Variants in LINGO2 observed in about 807,000 individuals in gnomAD.
LINGO2 encodes the protein leucine rich repeat and Ig domain containing 2, also known as leucine-rich repeat and immunoglobulin-like domain-containing nogo receptor-interacting protein 2.
In LINGO2, 14 loss-of-function variants were observed where a neutral mutation model predicts 30.6. That is an observed-to-expected ratio of 0.46 (90% CI 0.30 to 0.72). The LOEUF is 0.72. Ranked by LOEUF, LINGO2 falls within the 30% of genes least tolerant of loss-of-function variation. The pLI is 0.07. For missense variants in LINGO2, 729 were observed against 751.7 expected (o/e 0.97, Z 0.35); for synonymous variants, 317 against 288.5 (o/e 1.10, Z -1.00).
chr9:28,858,489 C>T, the LINGO2 span, among the ~76,000 whole-genome samples: 1 of 152,046 alleles, frequency 6.6e-6, no homozygotes, highest in African/African-American at 2.4e-5. Flanking sequence ...TTTACATCTT[C>T]AGCCCAATAT....
chr9:29,064,294 C>A, the LINGO2 span, among the ~76,000 whole-genome samples: 2 of 151,940 alleles, frequency 1.3e-5, no homozygotes, highest in African/African-American at 4.8e-5. Context: ...GCACCAAAAT[C>A]TTTGACATAG....
At chr9:28,321,137 A>C (rs1184438200) in intron 3 of LINGO2, among the ~76,000 whole-genome samples, 1 of 152,106 alleles carries the variant, frequency 6.6e-6, no homozygotes, top group Non-Finnish European at 1.5e-5. Context: ...CACTCACTTC[A>C]TTTAAAGAAA....
chr9:28,173,872 A>T (rs1214300388), intron 4 of LINGO2, among the ~76,000 whole-genome samples: 1 of 152,222 alleles, frequency 6.6e-6, no homozygotes, highest in Non-Finnish European at 1.5e-5. Context: ...AATCATTTAA[A>T]GTCAGGAACC....
the LINGO2 span, among the ~76,000 whole-genome samples, chr9:29,130,214 T>C: frequency 1.3e-5 from 2 of 152,158 alleles, no homozygotes; most frequent in Non-Finnish European, 2.9e-5. Flanking sequence ...CTAGTACTAA[T>C]AGACACTTTT....
chr9:28,729,872 C>T, the LINGO2 span, among the ~76,000 whole-genome samples: 3 of 151,648 alleles, frequency 2.0e-5, no homozygotes, highest in South Asian at 2.1e-4. Flanking sequence ...TGAAAATAAA[C>T]TCTCACAAAA....
chr9:27,939,240 A>T, the LINGO2 span: 2 of 152,192 alleles, frequency 1.3e-5, no homozygotes, highest in African/African-American at 2.4e-5. Context: ...AATATATTCA[A>T]CCATTAGAAC....
chr9:29,210,844 G>T, the LINGO2 span, among the ~76,000 whole-genome samples: 1 of 152,086 alleles, frequency 6.6e-6, no homozygotes, highest in African/African-American at 2.4e-5. Context: ...CATTTTACTG[G>T]TTTTGAACAG....
At chr9:28,513,606 T>G (rs1042231373) in intron 1 of LINGO2, among the ~76,000 whole-genome samples, 1 of 152,222 alleles carries the variant, frequency 6.6e-6, no homozygotes, top group African/African-American at 2.4e-5. Flanking sequence ...CTTAAAATAT[T>G]TAGACACTGT....
chr9:28,315,983 C>T (rs1011867292), intron 3 of LINGO2, among the ~76,000 whole-genome samples: 1 of 152,142 alleles, frequency 6.6e-6, no homozygotes, highest in Admixed American at 6.5e-5. Flanking sequence ...TTATCACTTA[C>T]CTATGTGATT....
chr9:27,978,377 A>G (rs956420712), intron 5 of LINGO2, among the ~76,000 whole-genome samples: 3 of 152,074 alleles, frequency 2.0e-5, no homozygotes, highest in African/African-American at 7.2e-5. Flanking sequence ...TGCAAAATTT[A>G]TATGTTAAAT....
At chr9:28,744,641 T>TGTGTGTGTGTGTGTGTGTG in the LINGO2 span, among the ~76,000 whole-genome samples, 37 of 104,046 alleles carry the variant, frequency 3.6e-4, no homozygotes, top group Admixed American at 5.9e-4. Flanking sequence ...TGTGTGTGTA[T>TGTGTGTGTGTGTGTGTGTG]TTTTTTTTTT....
chr9:29,021,303 C>T, the LINGO2 span, among the ~76,000 whole-genome samples: 1 of 152,134 alleles, frequency 6.6e-6, no homozygotes, highest in Non-Finnish European at 1.5e-5. Context: ...TGCCTCTGTA[C>T]ACTCATAGGT....
chr9:28,730,061 C>G, the LINGO2 span, among the ~76,000 whole-genome samples: 3 of 152,122 alleles, frequency 2.0e-5, no homozygotes, highest in African/African-American at 4.8e-5. Context: ...ACTTGGATTT[C>G]TAACAATTAA....
At chr9:29,189,829 G>A in the LINGO2 span, among the ~76,000 whole-genome samples, 10 of 151,956 alleles carry the variant, frequency 6.6e-5, no homozygotes, top group African/African-American at 2.2e-4. Flanking sequence ...GGCCAACACA[G>A]CGAAACCCCG....
chr9:28,665,076 A>G (rs184228563), intron 1 of LINGO2, among the ~76,000 whole-genome samples: 161 of 147,638 alleles, frequency 1.1e-3, no homozygotes, highest in African/African-American at 3.8e-3. Flanking sequence ...ATAAAGATTT[A>G]GCAAATAAAT....
chr9:28,767,589 T>C, the LINGO2 span, among the ~76,000 whole-genome samples: 1 of 151,744 alleles, frequency 6.6e-6, no homozygotes, highest in Non-Finnish European at 1.5e-5. Context: ...ATCGAGACCA[T>C]CCTGGCTAAC....
At chr9:28,037,226 C>A (rs543539665) in intron 4 of LINGO2, among the ~76,000 whole-genome samples, 6 of 152,308 alleles carry the variant, frequency 3.9e-5, no homozygotes, top group Admixed American at 1.3e-4. Flanking sequence ...CCTAGTTATA[C>A]AAACAGTAGT....
chr9:28,023,334 G>C (rs1371533490), intron 4 of LINGO2, among the ~76,000 whole-genome samples: 2 of 152,146 alleles, frequency 1.3e-5, no homozygotes, highest in African/African-American at 4.8e-5. Flanking sequence ...GTGTTTAATG[G>C]TTGCTGTATT....
chr9:27,953,707 C>A (rs1819426888), intron 5 of LINGO2, among the ~76,000 whole-genome samples: 1 of 151,946 alleles, frequency 6.6e-6, no homozygotes, highest in African/African-American at 2.4e-5. Flanking sequence ...TTTCCTGAGG[C>A]CTCCCCAGCC....
Sources: gnomAD v4.1 joint callset for allele counts (sites outside exome capture counted in the v4.1 genomes callset) on GRCh38, gnomAD v4.1.1 for gene constraint, MANE v1.5 for transcripts, NCBI Gene and HGNC (gene_info 2026-07-23, HGNC 2026-07-21) for gene names.